The following FNIP2 variants were observed in gnomAD, a reference collection of about 807,000 sequenced individuals.
The protein encoded by FNIP2 is folliculin interacting protein 2.
FNIP2 carries 32 observed loss-of-function variants against 108.7 expected under a neutral mutation model. That is an observed-to-expected ratio of 0.29 (90% CI 0.22 to 0.40). The LOEUF (loss-of-function observed/expected upper bound fraction) is 0.40. Among genes scored for constraint, FNIP2 ranks in the 10% least tolerant of loss-of-function variants. FNIP2 has a pLI of 1.00. For synonymous variants in FNIP2, 480 were observed against 496.7 expected (o/e 0.97, Z 0.45); for missense variants, 1,202 against 1,381.6 (o/e 0.87, Z 2.06).
Position 158,869,202 on chromosome 4 carries a change from A to G in FNIP2, c.2566A>G (p.Arg856Gly), listed in dbSNP as rs1780778369. The G allele has an allele frequency of 6.2e-7, 1 of 1,614,066 alleles. No individual in the cohort carries two copies. The highest frequency in any genetic ancestry group is 8.5e-7 in the Non-Finnish European group (1 of 1,179,902). Residue 856 changes from arginine to glycine, a missense_variant, in exon 13 of 17, where the codon AGG (arginine) becomes GGG (glycine). Arg to Gly is a moderately radical substitution (Grantham distance 125, BLOSUM62 -2). Coordinates refer to ENST00000264433, the MANE Select transcript of FNIP2 (RefSeq NM_020840.3). ...ACCTGTGCTGGAGCCTGTTGCCCCCAGGTGTGTCCAGCGGGGCCCTGGCCT... is the reference window on the plus strand; with the variant it reads ...ACCTGTGCTGGAGCCTGTTGCCCCCGGGTGTGTCCAGCGGGGCCCTGGCCT... ...EGPVLEPVAP[R>G]CVQRGPGLVA...
In FNIP2 at chr4:158,905,065, C is replaced by A. The variant is rs1009918224; in HGVS notation, c.*521C>A. 7 of 153,000 alleles carry A rather than the reference C, an allele frequency of 4.6e-5. No homozygotes were observed. Among genetic ancestry groups the A allele is most frequent in the African/African-American group, 1.7e-4 (7 of 41,442 alleles). The allele number at this position is 153,000 out of a possible 1,614,324, so 9.5% of individuals were successfully genotyped here. A position where few individuals can be genotyped will look rare whatever the true frequency, so the allele number is the denominator to read the frequency against. The stretch of plus-strand genomic sequence containing the variant: ...TTAGACAAGGTAAAGCAAAGAAAGC[C>A]ACATTGTGCCATCTTCAGCTCCAGT... On this transcript the variant is annotated 3_prime_UTR_variant, in exon 17 of 17. Coordinates refer to ENST00000264433, the MANE Select transcript of FNIP2 (RefSeq NM_020840.3).
intron 1 of FNIP2, among the ~76,000 whole-genome samples, chr4:158,784,556 T>A (rs1292653578): frequency 5.9e-5 from 9 of 152,246 alleles, no homozygotes; most frequent in Admixed American, 5.9e-4. Flanking sequence ...GTGGGAGCCC[T>A]GAGCCTGTTT....
At chr4:158,844,355 G>A (rs1388754009) in intron 7 of FNIP2, among the ~76,000 whole-genome samples, 1 of 152,118 alleles carries the variant, frequency 6.6e-6, no homozygotes, top group Admixed American at 6.6e-5. Flanking sequence ...GATATTATCT[G>A]GTTCTTTTCA....
chr4:158,890,835 C>A (rs959286506), intron 14 of FNIP2, among the ~76,000 whole-genome samples: 1 of 152,146 alleles, frequency 6.6e-6, no homozygotes, highest in African/African-American at 2.4e-5. Context: ...CTGGTGCCAA[C>A]CATTTTTGGT....
chr4:158,801,868 T>A lies in FNIP2; in HGVS notation c.108-24048T>A, dbSNP rs546971617. Among the ~76,000 whole-genome samples the A allele has an allele frequency of 2.0e-5, 3 of 152,280 alleles. No homozygotes were observed. In the East Asian group the frequency reaches 5.8e-4, roughly 29 times the overall value. ...GAGGATGGCCTGCTGCTTAGCTAGCTGTTAGGAACTATCCATGGTCATGTT... is the reference window on the plus strand; with the variant it reads ...GAGGATGGCCTGCTGCTTAGCTAGCAGTTAGGAACTATCCATGGTCATGTT... On this transcript the variant is annotated intron_variant, in intron 1 of 16. Transcript: ENST00000264433.
chr4:158,829,876 C>G (rs925985426), intron 3 of FNIP2, among the ~76,000 whole-genome samples: 3 of 152,148 alleles, frequency 2.0e-5, no homozygotes, highest in Admixed American at 1.3e-4. Flanking sequence ...CATGTAGAAT[C>G]TTTTCTACTA....
Position 158,868,444 on chromosome 4 carries a change from A to G in FNIP2, c.1808A>G (p.Glu603Gly), listed in dbSNP as rs1780720531. 1.2e-6 allele frequency: 2 copies of G among 1,614,026 alleles called. No individual in the cohort carries two copies. The highest frequency in any genetic ancestry group is 2.7e-5 in the African/African-American group (2 of 75,056). ...CCGACAGGGTTTCCTGAGTGCCCAG[A>G]GGGCACTGACAGTAGAGACCTGGGT... ...PWPTGFPECPEGTDSRDLGLK... is the reference protein window; with the variant it reads ...PWPTGFPECPGGTDSRDLGLK... The change falls in exon 13 of 17, where the codon GAG becomes GGG. Residue 603 changes from glutamate to glycine, a missense_variant. This residue lies in a region of FNIP2 where 878 missense variants were observed against 990.3 expected (regional missense o/e 0.89). Transcript: ENST00000264433. The surrounding 1 kb of genome is among the most constrained non-coding windows in gnomAD (Gnocchi z 4.6).
intron 2 of FNIP2, 126 bp downstream of exon 2, chr4:158,826,168 A>G: frequency 7.7e-7 from 1 of 1,298,600 alleles, no homozygotes; most frequent in South Asian, 1.4e-5. Flanking sequence ...GGTTCAGAAG[A>G]AACATAAGCA....
At chr4:158,833,831 T>G in intron 6 of FNIP2, 1 of 1,507,212 alleles carries the variant, frequency 6.6e-7, no homozygotes, top group South Asian at 1.2e-5. Context: ...AGCAAACTGC[T>G]GCAGGGGGTA....
At chr4:158,838,048 A>C (rs1055192137) in intron 7 of FNIP2, among the ~76,000 whole-genome samples, 1 of 152,200 alleles carries the variant, frequency 6.6e-6, no homozygotes, top group Non-Finnish European at 1.5e-5. Flanking sequence ...AGAACTCTTT[A>C]TGTTCACACT....
chr4:158,829,195 T>A lies in FNIP2; in HGVS notation c.351T>A (p.His117Gln). ...SSHSSSGGSS[H>Q]HAKEQLPKYQ... ...ACAGTTCTTCTGGGGGATCTTCACA[T>A]CATGCTAAGGAACAGCTTCCAAAGT... The change falls in exon 3 of 17, where the codon CAT (histidine) becomes CAA (glutamine). Residue 117 changes from histidine to glutamine, a missense_variant. Physicochemically the swap from His to Gln is conservative, Grantham distance 24 (BLOSUM62 0). This residue lies in a region of FNIP2 where 173 missense variants were observed against 165.9 expected (regional missense o/e 1.04). Coordinates refer to ENST00000264433, the MANE Select transcript of FNIP2 (RefSeq NM_020840.3). 6.2e-7 allele frequency: 1 copy of A among 1,612,646 alleles called. No homozygotes were observed. The highest frequency in any genetic ancestry group is 8.5e-7 in the Non-Finnish European group (1 of 1,179,274).
intron 3 of FNIP2, among the ~76,000 whole-genome samples, chr4:158,831,202 T>A (rs1361020754): frequency 1.3e-5 from 2 of 152,242 alleles, no homozygotes; most frequent in Non-Finnish European, 1.5e-5. Flanking sequence ...ATTGGAGCAG[T>A]TGAACTAGTT....
rs548542498 is a variant in FNIP2 at position 158,861,357 on chromosome 4, C to T, written c.1164C>T (p.Asn388=). The change falls in exon 11 of 17, where the codon AAC becomes AAT. Residue 388 remains asparagine (N), a synonymous_variant. Transcript: ENST00000264433. ...TGTTCTATAGAGGAACTATCTGGAA[C>T]TTATATTCTGTTCCAAGGATAGCTG... ...ALGEFRGTIW[N]LYSVPRIAEP... 7 of 1,613,770 alleles carry T rather than the reference C, an allele frequency of 4.3e-6. No individual in the cohort carries two copies. Among genetic ancestry groups the T allele is most frequent in the Non-Finnish European group, 5.9e-6 (7 of 1,179,830 alleles).
chr4:158,881,270 C>T (rs977400071), intron 14 of FNIP2, among the ~76,000 whole-genome samples: 3 of 145,254 alleles, frequency 2.1e-5, no homozygotes, highest in Non-Finnish European at 4.5e-5. Flanking sequence ...TCTCTTTCCA[C>T]GTTCTCCCTC....
At chr4:158,879,393 G>A (rs1781461548) in intron 14 of FNIP2, among the ~76,000 whole-genome samples, 1 of 150,630 alleles carries the variant, frequency 6.6e-6, no homozygotes, top group Non-Finnish European at 1.5e-5. Flanking sequence ...CAAGGCGGCT[G>A]TGGTGAGGAC....
At chr4:158,777,490 G>A (rs1026327555) in intron 1 of FNIP2, among the ~76,000 whole-genome samples, 23 of 152,222 alleles carry the variant, frequency 1.5e-4, no homozygotes, top group African/African-American at 5.1e-4. Context: ...AAAAGAATGT[G>A]CCAGACTAAC....
intron 1 of FNIP2, among the ~76,000 whole-genome samples, chr4:158,822,805 A>G (rs765938309): frequency 2.0e-4 from 30 of 152,236 alleles, no homozygotes; most frequent in Admixed American, 9.2e-4. Flanking sequence ...CATCACTCGT[A>G]TCTTATAAAA....
At chr4:158,773,998 A>G (rs1775778927) in intron 1 of FNIP2, among the ~76,000 whole-genome samples, 1 of 152,240 alleles carries the variant, frequency 6.6e-6, no homozygotes, top group African/African-American at 2.4e-5. Context: ...CCAAATCATA[A>G]TTTTATACAC....
intron 15 of FNIP2, chr4:158,893,688 A>G (rs1782437888): frequency 6.3e-7 from 1 of 1,587,462 alleles, no homozygotes; most frequent in African/African-American, 1.3e-5. Flanking sequence ...AGGTTGAGTT[A>G]TGCTGATTTA....
Sources: gnomAD v4.1 joint callset for allele counts (sites outside exome capture counted in the v4.1 genomes callset) on GRCh38, gnomAD v4.1.1 for gene constraint, gnomAD v4.1.1 regional missense constraint, Gnocchi (gnomAD v3.1) non-coding constraint, MANE v1.5 for transcripts, NCBI Gene and HGNC (gene_info 2026-07-23, HGNC 2026-07-21) for gene names.